Variants in MYO16 observed in about 807,000 individuals in gnomAD.
MYO16 encodes myosin XVI.
MYO16 carries 94 observed loss-of-function variants against 205.3 expected under a neutral mutation model. That is an observed-to-expected ratio of 0.46 (90% CI 0.39 to 0.54). The LOEUF is 0.54. MYO16 is among the 20% of genes least tolerant of loss of function. The probability of loss-of-function intolerance (pLI) is 0.00; values close to 1 mark genes in which losing one functional copy is unlikely to be tolerated. For missense variants in MYO16, 2,315 were observed against 2,387.5 expected (o/e 0.97, Z 0.63); for synonymous variants, 988 against 954.0 (o/e 1.04, Z -0.66).
rs1887058696 is a variant in MYO16 at position 109,046,815 on chromosome 13, A to G, written c.2797-101A>G. 6.3e-6 allele frequency: 6 copies of G among 945,776 alleles called. No individual in the cohort carries two copies. In the South Asian group the frequency reaches 8.8e-5, roughly 14 times the overall value. 58.6% of individuals were successfully genotyped at this position (945,776 alleles called of 1,614,324 possible). On this transcript the variant is annotated intron_variant, in intron 23 of 34. Transcript: ENST00000457511. ...AAGACCTGAAGACACTTCTTTTATG[A>G]ATATTTGAAAACTTCAGCTGGGTCA...
chr13:109,178,025 A>C (rs1286029872), intron 33 of MYO16, among the ~76,000 whole-genome samples: 1 of 152,062 alleles, frequency 6.6e-6, no homozygotes, highest in Non-Finnish European at 1.5e-5. Flanking sequence ...CATGAATCCC[A>C]AGCCCTTTGT....
chr13:108,538,667 C>G, the MYO16 span, among the ~76,000 whole-genome samples: 1 of 152,198 alleles, frequency 6.6e-6, no homozygotes, highest in South Asian at 2.1e-4. Context: ...CCTACTGATA[C>G]AGTATCCTTG....
chr13:108,504,575 G>GC, the MYO16 span, among the ~76,000 whole-genome samples: 1 of 150,926 alleles, frequency 6.6e-6, no homozygotes. Context: ...TCTCTCTGTT[G>GC]CCAGGGCTGG....
At chr13:108,548,802 T>C in the MYO16 span, among the ~76,000 whole-genome samples, 8 of 152,172 alleles carry the variant, frequency 5.3e-5, no homozygotes. Flanking sequence ...TAGGGTTTGC[T>C]AAGAATTCAT....
At chr13:108,987,848 G>C (rs1182901841) in intron 20 of MYO16, among the ~76,000 whole-genome samples, 1 of 152,172 alleles carries the variant, frequency 6.6e-6, no homozygotes, top group Non-Finnish European at 1.5e-5. Context: ...CAGATGAAGT[G>C]AGTTTACCCG....
rs573084736 is a variant in MYO16 at position 108,767,166 on chromosome 13, G to A, written c.508-18469G>A. Among the ~76,000 whole-genome samples the A allele has an allele frequency of 7.9e-5, 12 of 152,074 alleles. No individual in the cohort carries two copies. In the South Asian group the frequency reaches 1.0e-3, roughly 13 times the overall value. On this transcript the variant is annotated intron_variant, in intron 4 of 34. Coordinates refer to ENST00000457511, the MANE Select transcript of MYO16 (RefSeq NM_001198950.3). ...CGCCCAGGCTGGAGTGCAGTGGTGC[G>A]ATCTCGGCTCACTGCAAGCTCCGCC...
chr13:108,644,891 A>C (rs1052411041), intron 1 of MYO16, among the ~76,000 whole-genome samples: 16 of 152,200 alleles, frequency 1.1e-4, no homozygotes, highest in African/African-American at 3.9e-4. Context: ...GTGTTTGATG[A>C]AGTTAATAGT....
At chr13:108,546,068 G>A in the MYO16 span, among the ~76,000 whole-genome samples, 13 of 152,264 alleles carry the variant, frequency 8.5e-5, no homozygotes, top group African/African-American at 3.1e-4. Flanking sequence ...GGCCTGTGCG[G>A]CACTGTTCTG....
intron 20 of MYO16, among the ~76,000 whole-genome samples, chr13:108,973,899 T>C (rs548417501): frequency 6.6e-6 from 1 of 152,018 alleles, no homozygotes; most frequent in Admixed American, 6.6e-5. Flanking sequence ...ATATTCCATA[T>C]AGAGAAAACA....
chr13:109,015,286 C>G (rs948946759), intron 22 of MYO16, among the ~76,000 whole-genome samples: 4 of 152,124 alleles, frequency 2.6e-5, no homozygotes, highest in African/African-American at 9.7e-5. Flanking sequence ...GTATGTTGAA[C>G]CAGTCTTGCA....
chr13:108,907,923 A>G (rs1263552282), intron 15 of MYO16, among the ~76,000 whole-genome samples: 7 of 152,206 alleles, frequency 4.6e-5, no homozygotes, highest in Non-Finnish European at 1.0e-4. Context: ...TTTCATGCCT[A>G]AAGGCTAGAA....
At chr13:108,854,349 A>G (rs183250744) in intron 10 of MYO16, among the ~76,000 whole-genome samples, 24 of 152,266 alleles carry the variant, frequency 1.6e-4, no homozygotes, top group African/African-American at 5.3e-4. Context: ...AAATAAGCCC[A>G]CTTTATGAAC....
chr13:108,552,805 C>T, the MYO16 span, among the ~76,000 whole-genome samples: 1 of 151,904 alleles, frequency 6.6e-6, no homozygotes, highest in East Asian at 1.9e-4. Context: ...TTCTGGGGGC[C>T]AGGAAGCCCA....
At chr13:108,711,108 G>A (rs9559390) in intron 2 of MYO16, among the ~76,000 whole-genome samples, 45,547 of 152,020 alleles carry the variant, frequency 0.3, 6,942 homozygotes, top group Middle Eastern at 0.43. Context: ...AGGGTGGGGG[G>A]AAGAGCATCT....
chr13:108,990,124 G>A (rs1884776946), intron 20 of MYO16, among the ~76,000 whole-genome samples: 1 of 149,378 alleles, frequency 6.7e-6, no homozygotes, highest in African/African-American at 2.5e-5. Context: ...TAAGAAAAAT[G>A]ATGCAGCTCA....
intron 28 of MYO16, among the ~76,000 whole-genome samples, chr13:109,106,446 A>C (rs1442146562): frequency 1.3e-5 from 2 of 152,206 alleles, no homozygotes; most frequent in African/African-American, 4.8e-5. Context: ...ACTGGACAGC[A>C]GTTAGGCCCC....
At chr13:108,509,674 C>T in the MYO16 span, among the ~76,000 whole-genome samples, 3 of 152,248 alleles carry the variant, frequency 2.0e-5, no homozygotes, top group South Asian at 6.2e-4. Context: ...TTAAGAATAG[C>T]ATTAGAAGAT....
At chr13:109,048,153 ATGTGTGTGTGTGTGTGTGTG>A (rs34750704) in intron 24 of MYO16, among the ~76,000 whole-genome samples, 5,106 of 141,166 alleles carry the variant, frequency 0.036, 128 homozygotes, top group South Asian at 0.057. Context: ...TTAATAGGAT[ATGTGTGTGTGTGTGTGTGTG>A]TGTGTGTGTG....
intron 27 of MYO16, among the ~76,000 whole-genome samples, chr13:109,090,387 G>A (rs1483465086): frequency 6.6e-6 from 1 of 152,224 alleles, no homozygotes; most frequent in Non-Finnish European, 1.5e-5. Context: ...CATGGGAACT[G>A]AGGGAGAAGA....
Sources: gnomAD v4.1 joint callset for allele counts (sites outside exome capture counted in the v4.1 genomes callset) on GRCh38, gnomAD v4.1.1 for gene constraint, MANE v1.5 for transcripts, NCBI Gene and HGNC (gene_info 2026-07-23, HGNC 2026-07-21) for gene names.